The following NELFA variants were observed in gnomAD, a reference collection of about 807,000 sequenced individuals.
The protein encoded by NELFA is negative elongation factor A.
NELFA carries 35 observed loss-of-function variants against 51.8 expected under a neutral mutation model. The ratio of observed to expected loss-of-function variants is 0.68; its 90% CI spans 0.52 to 0.90. NELFA has a LOEUF of 0.90. Ranked by LOEUF, NELFA falls within the 40% of genes least tolerant of loss-of-function variation. NELFA has a pLI of 0.00. For missense variants in NELFA, 658 were observed against 746.4 expected (o/e 0.88, Z 1.38); for synonymous variants, 417 against 338.4 (o/e 1.23, Z -2.55).
intron 1 of NELFA, among the ~76,000 whole-genome samples, chr4:2,008,503 T>C (rs1343616760): frequency 1.7e-5 from 1 of 57,506 alleles, no homozygotes; most frequent in African/African-American, 7.2e-5. Flanking sequence ...AGACCCACGG[T>C]GGGGATGAGA....
At chr4:1,995,910 T>A (rs2109062853) in intron 1 of NELFA, among the ~76,000 whole-genome samples, 1 of 151,420 alleles carries the variant, frequency 6.6e-6, no homozygotes, top group Admixed American at 6.6e-5. Flanking sequence ...AAGCTGCACG[T>A]GCCTGTAGTT....
chr4:1,987,056 G>A (rs1371729419), intron 4 of NELFA, among the ~76,000 whole-genome samples: 2 of 152,292 alleles, frequency 1.3e-5, no homozygotes, highest in South Asian at 2.1e-4. Context: ...AACCTCGGCT[G>A]CGGTGGGCAG....
Position 1,984,015 on chromosome 4 carries a change from T to C in NELFA, c.1135A>G (p.Ser379Gly), listed in dbSNP as rs954337590. The change falls in exon 9 of 11, where the codon AGC becomes GGC. Residue 379 changes from serine to glycine, a missense_variant. Transcript: ENST00000382882. ...GTGGGTGTGGCAGGGCTCAGGCCGC[T>C]GTTGTACATGGGCGCCCGCTGCTTG... ...QFKQRAPMYN[S>G]GLSPATPTPA... The C allele has an allele frequency of 2.5e-6, 4 of 1,608,530 alleles. No individual in the cohort carries two copies. The highest frequency in any genetic ancestry group is 1.7e-5 in the Admixed American group (1 of 59,966).
intron 1 of NELFA, among the ~76,000 whole-genome samples, chr4:2,008,473 G>A (rs1196695313): frequency 6.0e-5 from 9 of 150,718 alleles, no homozygotes; most frequent in South Asian, 2.1e-4. Context: ...CAGGGGGCGA[G>A]GAGGGGCGGG....
rs1728073172 is a variant in NELFA, at chr4:1,985,849, TCCA to T, written c.848_850del (p.Val283del). On this transcript the variant is annotated inframe_deletion, in exon 7 of 11. Coordinates refer to ENST00000382882, the MANE Select transcript of NELFA (RefSeq NM_005663.5). The stretch of plus-strand genomic sequence containing the variant: ...CACCGTTTCCTCCTTGGCCGGCTTC[TCCA>T]CCACCTCCGCATCTGTGGACAAAAC... 1.2e-6 allele frequency: 2 copies of T among 1,612,764 alleles called. No homozygotes were observed. Among genetic ancestry groups the T allele is most frequent in the African/African-American group, 2.7e-5 (2 of 74,868 alleles).
chr4:1,989,261 T>C lies in NELFA; in HGVS notation c.544+447A>G, dbSNP rs1029431453. ...ATGCCCAGCCTAAATTCTGAAGTTT[T>C]TAAAGCATGTTTTCAGAACATAAAG... On this transcript the variant is annotated intron_variant, in intron 3 of 10. Transcript: ENST00000382882. The surrounding 1 kb of genome is among the most constrained non-coding windows in gnomAD (Gnocchi z 4.8). 2.0e-5 allele frequency among the ~76,000 whole-genome samples: 3 copies of C among 151,874 alleles called. No individual in the cohort carries two copies. Among genetic ancestry groups the C allele is most frequent in the African/African-American group, 7.3e-5 (3 of 41,324 alleles).
intron 4 of NELFA, 53 bp from the exon 5 acceptor site, chr4:1,986,455 C>T (rs761891212): frequency 1.3e-6 from 2 of 1,596,418 alleles, no homozygotes; most frequent in Middle Eastern, 1.7e-4. Flanking sequence ...CAAACGTCCC[C>T]CACCCCGAGC....
chr4:1,988,523 C>T (rs1295658637), intron 3 of NELFA, among the ~76,000 whole-genome samples: 1 of 152,248 alleles, frequency 6.6e-6, no homozygotes, highest in Non-Finnish European at 1.5e-5. Flanking sequence ...CAGCAGAGTC[C>T]TTCCTGGGCT....
intron 1 of NELFA, chr4:2,007,228 A>G (rs1365850675): frequency 3.1e-6 from 1 of 322,884 alleles, no homozygotes. Context: ...AAACACAAAA[A>G]CAAAACACTC....
At position 1,988,025 on chromosome 4, in the gene NELFA, CAT is replaced by C. The variant is rs764553789; in HGVS notation, c.545-20_545-19del. 22 of 1,603,516 alleles carry C rather than the reference CAT, an allele frequency of 1.4e-5. No homozygotes were observed. The Admixed American group carries it at 3.4e-4, about 24-fold the overall frequency. On this transcript the variant is annotated intron_variant, in intron 3 of 10. Coordinates refer to ENST00000382882, the MANE Select transcript of NELFA (RefSeq NM_005663.5). ...CTCCGTGGCTGGAAGGAAGAGGTCACATATGTCAGGGATCCTCAGAGCGAGAG... is the reference window on the plus strand; with the variant it reads ...CTCCGTGGCTGGAAGGAAGAGGTCACATGTCAGGGATCCTCAGAGCGAGAG...
chr4:2,002,558 G>C (rs1376012681), intron 1 of NELFA, among the ~76,000 whole-genome samples: 1 of 152,072 alleles, frequency 6.6e-6, no homozygotes, highest in Non-Finnish European at 1.5e-5. Flanking sequence ...GAGAAGAACA[G>C]GGACCTCAGA....
chr4:2,004,242 G>C (rs921478078), intron 1 of NELFA: 2 of 152,146 alleles, frequency 1.3e-5, no homozygotes, highest in African/African-American at 4.8e-5. Context: ...CCAGATGTAT[G>C]ATTCTATTTA....
intron 4 of NELFA, chr4:1,987,571 C>G: frequency 4.1e-6 from 1 of 246,834 alleles, no homozygotes; most frequent in South Asian, 1.4e-4. Context: ...CCGAGAGCCA[C>G]CGGTGCCAAC....
intron 1 of NELFA, 146 bp downstream of exon 1, chr4:2,008,604 G>A: frequency 2.4e-6 from 2 of 833,020 alleles, no homozygotes; most frequent in South Asian, 1.7e-5. Flanking sequence ...CGAGGAGGGG[G>A]CGTGAGGGCG....
chr4:1,989,875 G>A lies in NELFA; in HGVS notation c.383-6C>T, dbSNP rs371869598. 180 of 1,611,564 alleles carry A rather than the reference G, an allele frequency of 1.1e-4. No individual in the cohort carries two copies. The highest frequency in any genetic ancestry group is 6.6e-4 in the Middle Eastern group (4 of 6,038). ...AGACGCTTCACACTCACCCACTGCC[G>A]GTAAGAACCACATGAAGTTAGGGGC... On this transcript the variant is annotated splice_region_variant and splice_polypyrimidine_tract_variant and intron_variant, in intron 2 of 10. Transcript: ENST00000382882. This position sits in a 1 kb window ranked among gnomAD's most constrained non-coding sequence, Gnocchi z 4.8.
At chr4:1,994,451 G>C (rs1365288788) in intron 1 of NELFA, among the ~76,000 whole-genome samples, 1 of 152,066 alleles carries the variant, frequency 6.6e-6, no homozygotes. Flanking sequence ...TGTAATCCCA[G>C]CTACTGGGGA....
chr4:1,997,252 A>C (rs1728450608), intron 1 of NELFA, among the ~76,000 whole-genome samples: 1 of 152,224 alleles, frequency 6.6e-6, no homozygotes, highest in Non-Finnish European at 1.5e-5. Context: ...TTAGTAAACA[A>C]ACTTTCCAAA....
At chr4:1,987,060 T>C (rs375821460) in intron 4 of NELFA, among the ~76,000 whole-genome samples, 1 of 152,034 alleles carries the variant, frequency 6.6e-6, no homozygotes, top group East Asian at 1.9e-4. Context: ...TCGGCTGCGG[T>C]GGGCAGGAAC....
intron 1 of NELFA, among the ~76,000 whole-genome samples, chr4:1,997,279 G>A (rs893704606): frequency 8.5e-5 from 13 of 152,210 alleles, no homozygotes; most frequent in East Asian, 1.9e-4. Context: ...GAAAAGACCA[G>A]ATACATTACA....
Sources: allele counts gnomAD v4.1 joint callset (sites outside exome capture counted in the v4.1 genomes callset), GRCh38; gene constraint gnomAD v4.1.1; non-coding constraint Gnocchi (gnomAD v3.1); transcripts MANE v1.5; gene names NCBI Gene and HGNC (gene_info 2026-07-23, HGNC 2026-07-21).